HMGCLL1: variants seen among roughly 807,000 people sequenced by gnomAD.
HMGCLL1 encodes 3-hydroxy-3-methylglutaryl-CoA lyase like 1.
A neutral mutation model predicts 39.1 loss-of-function variants in HMGCLL1; 36 were observed. The ratio of observed to expected loss-of-function variants is 0.92; its 90% CI spans 0.71 to 1.22. HMGCLL1 has a LOEUF of 1.22. Ranked by LOEUF, HMGCLL1 falls within the 50% of genes most tolerant of loss-of-function variation. The pLI is 0.00. For missense variants in HMGCLL1, 451 were observed against 416.5 expected, an observed-to-expected ratio of 1.08 and a Z score of -0.72; for synonymous variants, 149 against 144.0, an observed-to-expected ratio of 1.03 and a Z score of -0.25.
chr6:55,589,964 A>T, the HMGCLL1 span, among the ~76,000 whole-genome samples: 1 of 152,162 alleles, frequency 6.6e-6, no homozygotes, highest in African/African-American at 2.4e-5. Context: ...TATCGTGAAA[A>T]TGGCCATACT....
At chr6:55,442,540 G>T (rs1046398850) in intron 7 of HMGCLL1, among the ~76,000 whole-genome samples, 1 of 152,014 alleles carries the variant, frequency 6.6e-6, no homozygotes, top group Non-Finnish European at 1.5e-5. Context: ...AGACTGAAAA[G>T]GATACTTACA....
intron 7 of HMGCLL1, among the ~76,000 whole-genome samples, chr6:55,455,684 T>C (rs1458436931): frequency 6.6e-6 from 1 of 152,198 alleles, no homozygotes; most frequent in Non-Finnish European, 1.5e-5. Context: ...ATGTAGATTT[T>C]GGTTGATTAT....
intron 3 of HMGCLL1, among the ~76,000 whole-genome samples, chr6:55,522,364 A>T (rs1169556162): frequency 1.3e-5 from 2 of 152,024 alleles, no homozygotes; most frequent in African/African-American, 4.8e-5. Context: ...AAAGGTAAAA[A>T]TACCTATCAC....
At chr6:55,460,690 A>C (rs1033823586) in intron 7 of HMGCLL1, among the ~76,000 whole-genome samples, 1 of 151,906 alleles carries the variant, frequency 6.6e-6, no homozygotes, top group African/African-American at 2.4e-5. Flanking sequence ...TTATCTATCC[A>C]TGGCAAAACA....
chr6:55,670,617 T>G, the HMGCLL1 span, among the ~76,000 whole-genome samples: 1 of 151,792 alleles, frequency 6.6e-6, no homozygotes, highest in Non-Finnish European at 1.5e-5. Flanking sequence ...CCTACTGAAG[T>G]GGTAAAATAC....
chr6:55,504,614 T>C (rs1767060090), intron 5 of HMGCLL1, among the ~76,000 whole-genome samples: 1 of 151,646 alleles, frequency 6.6e-6, no homozygotes, highest in Admixed American at 6.6e-5. Context: ...TTATAATACC[T>C]AATATAATGT....
chr6:55,606,385 T>C, the HMGCLL1 span, among the ~76,000 whole-genome samples: 1 of 152,078 alleles, frequency 6.6e-6, no homozygotes, highest in African/African-American at 2.4e-5. Flanking sequence ...AACCAGACTT[T>C]TAGAAAAAAA....
rs116396884 is a variant in HMGCLL1 at position 55,491,217 on chromosome 6, T to A, written c.795+4202A>T. Among the ~76,000 whole-genome samples the A allele has an allele frequency of 6.0e-3, 919 of 152,276 alleles. 9 individuals are homozygous for A. The highest frequency in any genetic ancestry group is 0.02 in the African/African-American group (828 of 41,574). ...TCTTCTTGAGAAACTCAAAAACAAA[T>A]TATATGAAGAAAGATTTGCTATTTG... On this transcript the variant is annotated intron_variant, in intron 7 of 8. Transcript: ENST00000274901.
the HMGCLL1 span, among the ~76,000 whole-genome samples, chr6:55,585,815 G>GA: frequency 2.6e-3 from 391 of 152,114 alleles, 3 homozygotes; most frequent in African/African-American, 8.4e-3. Context: ...ATAGCTAATG[G>GA]AAAAATAAGT....
At chr6:55,595,745 T>C in the HMGCLL1 span, among the ~76,000 whole-genome samples, 1 of 152,182 alleles carries the variant, frequency 6.6e-6, no homozygotes, top group Non-Finnish European at 1.5e-5. Flanking sequence ...TTCATGAATC[T>C]GGCCAAACTG....
chr6:55,482,730 G>T (rs1220543515), intron 7 of HMGCLL1, among the ~76,000 whole-genome samples: 1 of 151,996 alleles, frequency 6.6e-6, no homozygotes, highest in Non-Finnish European at 1.5e-5. Context: ...TGAGATCAAA[G>T]TAAAAGGAAC....
At chr6:55,478,484 G>T (rs893288861) in intron 7 of HMGCLL1, among the ~76,000 whole-genome samples, 12 of 151,258 alleles carry the variant, frequency 7.9e-5, no homozygotes, top group African/African-American at 2.9e-4. Context: ...ACTGAGCAGT[G>T]ACTTCTTTGG....
At chr6:55,644,065 T>C in the HMGCLL1 span, among the ~76,000 whole-genome samples, 1 of 152,058 alleles carries the variant, frequency 6.6e-6, no homozygotes, top group South Asian at 2.1e-4. Context: ...TCACCAGGGC[T>C]TACTACTGCC....
chr6:55,512,866 C>A (rs4537142), intron 5 of HMGCLL1: 103,897 of 151,972 alleles, frequency 0.68, 35,531 homozygotes, highest in Non-Finnish European at 0.7. Context: ...TAACTTGTTA[C>A]GATGTGTGTT....
the HMGCLL1 span, among the ~76,000 whole-genome samples, chr6:55,626,271 C>T: frequency 1.3e-5 from 2 of 152,112 alleles, no homozygotes; most frequent in Admixed American, 1.3e-4. Flanking sequence ...AGACTACCAT[C>T]AGTAGATCAC....
Position 55,549,373 on chromosome 6 carries a change from A to AGTGTGTGTGTGTGTGTGT in HMGCLL1, c.109-7251_109-7234dup, listed in dbSNP as rs70986732. Among the ~76,000 whole-genome samples the AGTGTGTGTGTGTGTGTGT allele has an allele frequency of 5.5e-5, 8 of 145,416 alleles. 1 individual carries two copies. Among genetic ancestry groups the AGTGTGTGTGTGTGTGTGT allele is most frequent in the African/African-American group, 1.8e-4 (7 of 38,188 alleles). ...TGTTTTTGCCCCCTGCAAATACAGA[A>AGTGTGTGTGTGTGTGTGT]GTGTGTGTGTGTGTGTGTGTGTGTG... On this transcript the variant is annotated intron_variant, in intron 1 of 8. Transcript: ENST00000274901.
intron 5 of HMGCLL1, among the ~76,000 whole-genome samples, chr6:55,504,806 A>AT (rs754216896): frequency 2.6e-5 from 4 of 151,626 alleles, no homozygotes; most frequent in Non-Finnish European, 5.9e-5. Context: ...TTAAAATGTC[A>AT]TTTTTACCTT....
the HMGCLL1 span, among the ~76,000 whole-genome samples, chr6:55,655,218 C>T: frequency 1.3e-5 from 2 of 151,806 alleles, no homozygotes; most frequent in African/African-American, 2.4e-5. Context: ...TCATTTTAGT[C>T]GATAGACTTT....
the HMGCLL1 span, among the ~76,000 whole-genome samples, chr6:55,665,232 T>A: frequency 6.6e-6 from 1 of 151,626 alleles, no homozygotes; most frequent in African/African-American, 2.4e-5. Flanking sequence ...GGGGCAAACT[T>A]TTTGTTGTTA....
Sources: allele counts gnomAD v4.1 joint callset (sites outside exome capture counted in the v4.1 genomes callset), GRCh38; gene constraint gnomAD v4.1.1; transcripts MANE v1.5; gene names NCBI Gene and HGNC (gene_info 2026-07-23, HGNC 2026-07-21).